Variants in LRP2 observed in about 807,000 individuals in gnomAD.
LRP2 encodes the protein low-density lipoprotein receptor-related protein 2.
Under a neutral mutation model 531.0 loss-of-function variants are expected in LRP2, and 172 were observed. That is an observed-to-expected ratio of 0.32 (90% CI 0.29 to 0.37). The LOEUF (loss-of-function observed/expected upper bound fraction) is 0.37, where lower values mean the gene tolerates loss of function less well. Ranked by LOEUF, LRP2 falls within the 10% of genes least tolerant of loss-of-function variation. The probability of loss-of-function intolerance (pLI) is 1.00; values close to 1 mark genes in which losing one functional copy is unlikely to be tolerated. For synonymous variants in LRP2, 1,992 were observed against 2,027.6 expected, an observed-to-expected ratio of 0.98 and a Z score of 0.47; for missense variants, 5,167 against 5,868.3, an observed-to-expected ratio of 0.88 and a Z score of 3.90.
At position 169,153,358 on chromosome 2, in the gene LRP2, T is replaced by C. The variant is rs114216106; in HGVS notation, c.12296-394A>G. On this transcript the variant is annotated intron_variant, in intron 66 of 78. Transcript: ENST00000649046. ...AAGATCAGAGGCAATAAAGAAGCCA[T>C]GTCAACGAGAAGTCCTATTTTATAT... Among the ~76,000 whole-genome samples, 534 of 152,302 alleles carry C rather than the reference T, an allele frequency of 3.5e-3. 8 individuals are homozygous for C. Among genetic ancestry groups the C allele is most frequent in the African/African-American group, 0.012 (504 of 41,572 alleles).
chr2:169,169,355 C>A (rs958995730), intron 60 of LRP2, among the ~76,000 whole-genome samples: 1 of 152,200 alleles, frequency 6.6e-6, no homozygotes, highest in Non-Finnish European at 1.5e-5. Context: ...GAATACCCAA[C>A]CCAAGTTCTT....
intron 1 of LRP2, among the ~76,000 whole-genome samples, chr2:169,350,535 C>A (rs4668135): frequency 0.1 from 15,130 of 151,688 alleles, 904 homozygotes; most frequent in East Asian, 0.25. Context: ...ACCAGCCTGA[C>A]CAGCATGGCA....
chr2:169,264,497 T>C (rs1458894157), intron 16 of LRP2, among the ~76,000 whole-genome samples: 1 of 151,986 alleles, frequency 6.6e-6, no homozygotes, highest in Non-Finnish European at 1.5e-5. Context: ...AAAGATAATT[T>C]CTCATTCAAA....
intron 4 of LRP2, among the ~76,000 whole-genome samples, chr2:169,306,449 G>A (rs1013249410): frequency 6.6e-5 from 10 of 152,268 alleles, no homozygotes; most frequent in South Asian, 2.1e-4. Context: ...CAGGAGAATC[G>A]CTTGAACCTG....
chr2:169,265,026 C>T (rs1690739316), intron 16 of LRP2, among the ~76,000 whole-genome samples: 1 of 151,966 alleles, frequency 6.6e-6, no homozygotes. Flanking sequence ...AACAGACCAC[C>T]ATCTCCCCAC....
chr2:169,320,450 A>G (rs1684878954), intron 2 of LRP2, among the ~76,000 whole-genome samples: 1 of 152,244 alleles, frequency 6.6e-6, no homozygotes, highest in Non-Finnish European at 1.5e-5. Context: ...CACAAAATTT[A>G]CAGAGTGAAT....
rs13397109 is a variant in LRP2, at chr2:169,205,568, G to A, written c.7626C>T (p.Arg2542=). The A allele has an allele frequency of 1.8e-5, 29 of 1,613,704 alleles. No individual in the cohort carries two copies. The highest frequency in any genetic ancestry group is 1.6e-4 in the Middle Eastern group (1 of 6,084). Residue 2542 remains arginine, a synonymous_variant, in exon 41 of 79, where the codon CGC becomes CGT. Coordinates refer to ENST00000649046, the MANE Select transcript of LRP2 (RefSeq NM_004525.3). ...IERATLGGNF[R]VPIVNSSLVM... is the part of the protein sequence containing the mutation. Reference sequence around the variant, plus strand: ...CCAGACTGCTGTTCACAATGGGTACGCGGAAGTTTCCTCCCAATGTGGCTC... The same window carrying A: ...CCAGACTGCTGTTCACAATGGGTACACGGAAGTTTCCTCCCAATGTGGCTC...
chr2:169,234,177 C>T (rs368990698), intron 29 of LRP2, among the ~76,000 whole-genome samples: 2 of 151,968 alleles, frequency 1.3e-5, no homozygotes, highest in Non-Finnish European at 2.9e-5. Flanking sequence ...ATGTGCAGAA[C>T]GTGCAGGTTT....
In LRP2 at chr2:169,170,631, A is replaced by C; in HGVS notation, c.11300T>G (p.Val3767Gly). Residue 3767 changes from valine to glycine, a missense_variant, in exon 59 of 79, where the codon GTC becomes GGC. Val to Gly is a moderately radical substitution (Grantham distance 109). Transcript: ENST00000649046. ...TCGCGAGGGAATGCACTGCTGATTG[A>C]CACATCGAAACTCGCTCTCTGTGCA... ...RECTESEFRC[V>G]NQQCIPSRWI... 2 of 1,614,138 alleles carry C rather than the reference A, an allele frequency of 1.2e-6. No individual in the cohort carries two copies. Among genetic ancestry groups the C allele is most frequent in the Non-Finnish European group, 8.5e-7 (1 of 1,180,004 alleles).
At chr2:169,179,288 T>TGAGCCACTGCACC (rs1239266576) in intron 52 of LRP2, among the ~76,000 whole-genome samples, 1 of 152,170 alleles carries the variant, frequency 6.6e-6, no homozygotes, top group African/African-American at 2.4e-5. Flanking sequence ...ACTATAAGTG[T>TGAGCCACTGCACC]GAGCCACTGC....
chr2:169,350,593 T>A (rs963266484), intron 1 of LRP2, among the ~76,000 whole-genome samples: 9 of 151,670 alleles, frequency 5.9e-5, no homozygotes, highest in Non-Finnish European at 1.3e-4. Flanking sequence ...CATGGTGGTG[T>A]GCACCTGTAA....
chr2:169,322,538 C>T (rs1256249279), intron 1 of LRP2, among the ~76,000 whole-genome samples: 5 of 152,144 alleles, frequency 3.3e-5, no homozygotes, highest in African/African-American at 1.2e-4. Flanking sequence ...TGCAAAAATG[C>T]CCCTAAGGAA....
At chr2:169,293,402 G>A (rs1006248349) in intron 6 of LRP2, among the ~76,000 whole-genome samples, 10 of 152,168 alleles carry the variant, frequency 6.6e-5, no homozygotes, top group African/African-American at 2.2e-4. Flanking sequence ...CAGGCTGGGC[G>A]TGGTGGCTCA....
chr2:169,290,870 G>GT lies in LRP2; in HGVS notation c.896dup (p.Asn299LysfsTer4). 6.2e-7 allele frequency: 1 copy of GT among 1,614,100 alleles called. No homozygotes were observed. The highest frequency in any genetic ancestry group is 8.5e-7 in the Non-Finnish European group (1 of 1,179,990). ...TACAGTATTTTCCGGTACTAGTGTTGTTTTCATCTTCTCTTCCTGGGCAAT... is the reference window on the plus strand; with the variant it reads ...TACAGTATTTTCCGGTACTAGTGTTGTTTTTCATCTTCTCTTCCTGGGCAAT... On this transcript the variant is annotated frameshift_variant, in exon 8 of 79. Transcript: ENST00000649046. LOFTEE classifies it high-confidence loss of function.
intron 34 of LRP2, among the ~76,000 whole-genome samples, chr2:169,218,208 C>T (rs1346164378): frequency 6.6e-6 from 1 of 152,162 alleles, no homozygotes; most frequent in Non-Finnish European, 1.5e-5. Context: ...AAATTCTAAG[C>T]TCTTCTAATT....
chr2:169,360,144 AAAAAG>A (rs1361750646), intron 1 of LRP2, among the ~76,000 whole-genome samples: 513 of 48,466 alleles, frequency 0.011, 3 homozygotes, highest in African/African-American at 0.024. Flanking sequence ...AAAAAAAAAA[AAAAAG>A]AGAGAGAGAG....
chr2:169,137,992 G>C (rs983235394), intron 75 of LRP2, among the ~76,000 whole-genome samples: 8 of 152,172 alleles, frequency 5.3e-5, no homozygotes, highest in African/African-American at 1.9e-4. Flanking sequence ...TGCCAAGACT[G>C]TGGCAGCCCC....
chr2:169,289,585 C>T (rs931259673), intron 8 of LRP2, among the ~76,000 whole-genome samples: 2 of 151,828 alleles, frequency 1.3e-5, no homozygotes, highest in African/African-American at 4.8e-5. Context: ...AGAAAAAGCT[C>T]CTTTTTAAAG....
At position 169,279,413 on chromosome 2, in the gene LRP2, G is replaced by A. The variant is rs1683639738; in HGVS notation, c.1524C>T (p.Asn508=). ...GSYRVTLITE[N]LGHPRGIAVD... ...CGGCAATTCCTCTAGGATGCCCCAA[G>A]TTTTCAGTTATAAGGGTAACCCGAT... The change falls in exon 12 of 79, where the codon AAC becomes AAT. Residue 508 remains asparagine, a synonymous_variant. Transcript: ENST00000649046. 1 of 1,613,862 alleles carries A rather than the reference G, an allele frequency of 6.2e-7. No homozygotes were observed. Among genetic ancestry groups the A allele is most frequent in the African/African-American group, 1.3e-5 (1 of 74,890 alleles).
Sources: gnomAD v4.1 joint callset for allele counts (sites outside exome capture counted in the v4.1 genomes callset) on GRCh38, gnomAD v4.1.1 for gene constraint, MANE v1.5 for transcripts, NCBI Gene and HGNC (gene_info 2026-07-23, HGNC 2026-07-21) for gene names.